Variants in PLCG2 observed in about 807,000 individuals in gnomAD.
The protein encoded by PLCG2 is phospholipase C gamma 2.
Under a neutral mutation model 175.6 loss-of-function variants are expected in PLCG2, and 69 were observed. The observed-to-expected ratio is 0.39, with a 90% CI of 0.32 to 0.48. The LOEUF (loss-of-function observed/expected upper bound fraction) is 0.48. Among genes scored for constraint, PLCG2 ranks in the 20% least tolerant of loss-of-function variants. PLCG2 has a pLI of 0.91. For synonymous variants in PLCG2, 827 were observed against 624.0 expected (o/e 1.33, Z -4.85); for missense variants, 1,798 against 1,650.9 (o/e 1.09, Z -1.54).
At chr16:81,896,845 G>A (rs1908913720) in intron 13 of PLCG2, among the ~76,000 whole-genome samples, 1 of 152,182 alleles carries the variant, frequency 6.6e-6, no homozygotes. Flanking sequence ...TTTAACAGAT[G>A]AGTAAATTGA....
chr16:81,864,197 C>T (rs916809227), intron 5 of PLCG2, among the ~76,000 whole-genome samples: 2 of 152,132 alleles, frequency 1.3e-5, no homozygotes, highest in African/African-American at 4.8e-5. Flanking sequence ...AGGTGGTGGG[C>T]AGGGCTCAAG....
intron 2 of PLCG2, among the ~76,000 whole-genome samples, chr16:81,827,820 G>T (rs1402458524): frequency 1.3e-5 from 2 of 152,120 alleles, no homozygotes; most frequent in East Asian, 3.9e-4. Context: ...GCCAGGCACG[G>T]TGGTTCATGC....
At position 81,874,948 on chromosome 16, in the gene PLCG2, G is replaced by GTTTTTTTGTTTTTTTGTTCTTTTTT. The variant is rs1907695346; in HGVS notation, c.648+4020_648+4021insGTTTTTTTGTTCTTTTTTTTTTTTT. On this transcript the variant is annotated intron_variant, in intron 7 of 32. Coordinates refer to ENST00000564138, the MANE Select transcript of PLCG2 (RefSeq NM_002661.5). ...CTATTTGCTAGGCACTATCCTATGTGTTTTTTTTTTTTTTTTTTTTTTTTT... is the reference window on the plus strand; with the variant it reads ...CTATTTGCTAGGCACTATCCTATGTGTTTTTTTGTTTTTTTGTTCTTTTTTTTTTTTTTTTTTTTTTTTTTTTTTT... Among the ~76,000 whole-genome samples, 9 of 40,770 alleles carry GTTTTTTTGTTTTTTTGTTCTTTTTT rather than the reference G, an allele frequency of 2.2e-4. 1 individual carries two copies. Among genetic ancestry groups the GTTTTTTTGTTTTTTTGTTCTTTTTT allele is most frequent in the African/African-American group, 3.1e-4 (4 of 12,830 alleles). The allele number at this position is 40,770 out of a possible 152,430, so 26.7% of individuals were successfully genotyped here. A position where few individuals can be genotyped will look rare whatever the true frequency, so the allele number is the denominator to read the frequency against.
At chr16:81,936,025 CAATATCATCAGAACCCCTTGA>C (rs1910695737) in intron 26 of PLCG2, 123 bp from the exon 27 acceptor site, 1 of 1,453,212 alleles carries the variant, frequency 6.9e-7, no homozygotes, top group African/African-American at 1.4e-5. Context: ...CCAATTGGGA[CAATATCATCAGAACCCCTTGA>C]ATGTCAAAGA....
intron 30 of PLCG2, among the ~76,000 whole-genome samples, chr16:81,943,439 C>A (rs1343690501): frequency 6.6e-6 from 1 of 152,178 alleles, no homozygotes; most frequent in Admixed American, 6.5e-5. Context: ...AACTCACTAT[C>A]ATGAGAACAG....
At chr16:81,943,737 C>T (rs1303478069) in intron 30 of PLCG2, among the ~76,000 whole-genome samples, 1 of 152,094 alleles carries the variant, frequency 6.6e-6, no homozygotes, top group African/African-American at 2.4e-5. Flanking sequence ...GAGTCTCTAT[C>T]AAGGCAAAAA....
upstream of PLCG2, among the ~76,000 whole-genome samples, chr16:81,775,627 A>C (rs1169663598): frequency 6.6e-6 from 1 of 152,204 alleles, no homozygotes; most frequent in Non-Finnish European, 1.5e-5. Context: ...CCAATGCACC[A>C]TGGCTGCCAG....
At chr16:81,778,735 G>T (rs946715129), upstream of PLCG2, among the ~76,000 whole-genome samples, 6 of 152,198 alleles carry the variant, frequency 3.9e-5, no homozygotes, top group Admixed American at 3.9e-4. Context: ...CTCCAGCGCA[G>T]CCTCAACGAG....
rs1363185545 is a variant in PLCG2, at chr16:81,959,533, G to C, written c.*1535G>C. On this transcript the variant is annotated 3_prime_UTR_variant, in exon 33 of 33. Transcript: ENST00000564138. Reference sequence around the variant, plus strand: ...AAGAAAGCCATTTACCTCGCTTGAAGCCAGGAACACAGGGAACAGCAGTCT... The same window carrying C: ...AAGAAAGCCATTTACCTCGCTTGAACCCAGGAACACAGGGAACAGCAGTCT... 4.8e-6 allele frequency: 1 copy of C among 208,156 alleles called. No homozygotes were observed. Among genetic ancestry groups the C allele is most frequent in the African/African-American group, 2.3e-5 (1 of 43,970 alleles). The allele number at this position is 208,156 out of a possible 1,614,324, so 12.9% of individuals were successfully genotyped here.
chr16:81,849,121 G>A (rs998741038), intron 2 of PLCG2, among the ~76,000 whole-genome samples: 1 of 152,170 alleles, frequency 6.6e-6, no homozygotes, highest in Non-Finnish European at 1.5e-5. Flanking sequence ...TCATCACAGG[G>A]CTGTGGTTCT....
chr16:81,773,811 T>C (rs1375845342), intron 2 of PLCG2, among the ~76,000 whole-genome samples: 1 of 152,094 alleles, frequency 6.6e-6, no homozygotes, highest in African/African-American at 2.4e-5. Flanking sequence ...GCAAATGCTG[T>C]GCAGAGCTAC....
chr16:81,899,289 T>TATATATATATAC (rs908648451), intron 13 of PLCG2, among the ~76,000 whole-genome samples: 22 of 92,468 alleles, frequency 2.4e-4, no homozygotes, highest in African/African-American at 7.5e-4. Context: ...TATATATATA[T>TATATATATATAC]ACACACACAC....
intron 2 of PLCG2, among the ~76,000 whole-genome samples, chr16:81,764,955 A>G (rs1239471716): frequency 6.6e-6 from 1 of 151,956 alleles, no homozygotes; most frequent in African/African-American, 2.4e-5. Context: ...CGGGCATAGT[A>G]GTGTGCACCT....
At chr16:81,755,219 C>T (rs1423140138) in intron 1 of PLCG2, among the ~76,000 whole-genome samples, 1 of 151,898 alleles carries the variant, frequency 6.6e-6, no homozygotes, top group Non-Finnish European at 1.5e-5. Context: ...TTTTTTGAGA[C>T]AAGGCCTCAC....
intron 13 of PLCG2, 117 bp downstream of exon 13, chr16:81,896,044 C>A: frequency 7.6e-7 from 1 of 1,312,592 alleles, no homozygotes; most frequent in Non-Finnish European, 1.1e-6. Flanking sequence ...GCGGGAAGGC[C>A]TGGGCCCCAT....
At chr16:81,955,257 C>A (rs1911522433) in intron 31 of PLCG2, among the ~76,000 whole-genome samples, 2 of 152,200 alleles carry the variant, frequency 1.3e-5, no homozygotes, top group South Asian at 4.1e-4. Flanking sequence ...GAGGAAAAAA[C>A]CTTGCAGAGT....
chr16:81,827,976 G>C (rs1905111198), intron 2 of PLCG2, among the ~76,000 whole-genome samples: 1 of 151,326 alleles, frequency 6.6e-6, no homozygotes, highest in Admixed American at 6.6e-5. Context: ...TGTAATCCCA[G>C]CTCTTTGAGA....
At chr16:81,917,984 A>T (rs1909911601) in intron 19 of PLCG2, among the ~76,000 whole-genome samples, 1 of 152,178 alleles carries the variant, frequency 6.6e-6, no homozygotes, top group African/African-American at 2.4e-5. Flanking sequence ...TGGCCTCCCA[A>T]AGTGCTGGAA....
chr16:81,863,136 C>T (rs1443635236), intron 5 of PLCG2, among the ~76,000 whole-genome samples: 1 of 152,204 alleles, frequency 6.6e-6, no homozygotes, highest in African/African-American at 2.4e-5. Context: ...CCCGTCACCA[C>T]CATCCATCTC....
Sources: gnomAD v4.1 joint callset for allele counts (sites outside exome capture counted in the v4.1 genomes callset) on GRCh38, gnomAD v4.1.1 for gene constraint, MANE v1.5 for transcripts, NCBI Gene and HGNC (gene_info 2026-07-23, HGNC 2026-07-21) for gene names.